The following TP53BP1 variants were observed in gnomAD, a reference collection of about 807,000 sequenced individuals.
TP53BP1 encodes the protein TP53-binding protein 1.
In TP53BP1, 61 loss-of-function variants were observed where a neutral mutation model predicts 200.8. That is an observed-to-expected ratio of 0.30 (90% CI 0.25 to 0.38). TP53BP1 has a LOEUF of 0.38. TP53BP1 is among the 10% of genes least tolerant of loss of function. The pLI is 1.00. For missense variants in TP53BP1, 2,144 were observed against 2,371.9 expected, an observed-to-expected ratio of 0.90 and a Z score of 2.00; for synonymous variants, 822 against 844.3, an observed-to-expected ratio of 0.97 and a Z score of 0.46.
chr15:43,447,253 CA>C, intron 13 of TP53BP1, 112 bp downstream of exon 13: 2 of 1,194,704 alleles, frequency 1.7e-6, no homozygotes, highest in African/African-American at 1.6e-5. Context: ...TTCCCTAAAA[CA>C]AAAATCAACC....
In TP53BP1 at chr15:43,420,287, C is replaced by T; in HGVS notation, c.4681+18G>A. 3.1e-6 allele frequency: 5 copies of T among 1,606,174 alleles called. No homozygotes were observed. The highest frequency in any genetic ancestry group is 4.3e-6 in the Non-Finnish European group (5 of 1,174,714). On this transcript the variant is annotated intron_variant, in intron 21 of 27. Transcript: ENST00000382044. ...CAAGGCACAAAAAAATCTCTACAAACTCTGCTTCTTTCATTACCTGCACTG... is the reference window on the plus strand; with the variant it reads ...CAAGGCACAAAAAAATCTCTACAAATTCTGCTTCTTTCATTACCTGCACTG...
intron 17 of TP53BP1, 123 bp from the exon 18 acceptor site, chr15:43,428,291 T>C: frequency 1.2e-6 from 1 of 859,480 alleles, no homozygotes. Context: ...AGAATCTTCC[T>C]ACTGTTTTGT....
chr15:43,500,220 T>A (rs540699543), intron 1 of TP53BP1, among the ~76,000 whole-genome samples: 1 of 152,320 alleles, frequency 6.6e-6, no homozygotes, highest in African/African-American at 2.4e-5. Context: ...TTCTACCAAG[T>A]CTACTCCACC....
chr15:43,409,322 A>C, intron 25 of TP53BP1: 1 of 590,280 alleles, frequency 1.7e-6, no homozygotes. Context: ...CTAAATCCTC[A>C]ACGGACAACC....
rs45463193 is a variant in TP53BP1, at chr15:43,476,979, G to A, written c.955+614C>T. Among the ~76,000 whole-genome samples the A allele has an allele frequency of 9.7e-3, 1,482 of 152,210 alleles. 27 individuals are homozygous for A. The highest frequency in any genetic ancestry group is 0.034 in the African/African-American group (1,410 of 41,526). ...AAAAACCTAGGCTTAATATCATATT[G>A]AAGATTTGAAGACATAGTAGCCATG... is the stretch of plus-strand genomic sequence containing the variant. On this transcript the variant is annotated intron_variant, in intron 8 of 27. Coordinates refer to ENST00000382044, the MANE Select transcript of TP53BP1 (RefSeq NM_001141980.3).
At chr15:43,486,231 C>T (rs1181930175) in intron 4 of TP53BP1, among the ~76,000 whole-genome samples, 2 of 152,022 alleles carry the variant, frequency 1.3e-5, no homozygotes, top group African/African-American at 4.8e-5. Context: ...ACAAAATTAG[C>T]CGGGCATGGT....
chr15:43,457,411 G>C (rs1039685198), intron 11 of TP53BP1, among the ~76,000 whole-genome samples, 193 bp from the exon 12 acceptor site: 2 of 152,036 alleles, frequency 1.3e-5, no homozygotes, highest in Non-Finnish European at 2.9e-5. Flanking sequence ...ACATGCTCCA[G>C]CCCATTTCAG....
At chr15:43,490,771 G>T (rs1217568520) in intron 4 of TP53BP1, among the ~76,000 whole-genome samples, 1 of 152,142 alleles carries the variant, frequency 6.6e-6, no homozygotes, top group African/African-American at 2.4e-5. Context: ...GTACTCTAAA[G>T]CAAGTTATCT....
intron 14 of TP53BP1, among the ~76,000 whole-genome samples, chr15:43,442,010 TTTTG>T (rs1215458863): frequency 2.0e-5 from 3 of 151,978 alleles, no homozygotes; most frequent in Admixed American, 6.5e-5. Context: ...ATTTCTTGTT[TTTTG>T]TTTGTTTGTT....
chr15:43,460,769 T>C (rs929457237), intron 11 of TP53BP1, among the ~76,000 whole-genome samples: 1 of 151,334 alleles, frequency 6.6e-6, no homozygotes, highest in Non-Finnish European at 1.5e-5. Flanking sequence ...TAACTTATAA[T>C]CCCAACACTT....
chr15:43,414,090 G>A, intron 23 of TP53BP1: 1 of 470,094 alleles, frequency 2.1e-6, no homozygotes, highest in Non-Finnish European at 4.4e-6. Flanking sequence ...AGGAGGCTAA[G>A]ATGACAGACA....
At chr15:43,442,820 T>C (rs1249413455) in intron 14 of TP53BP1, among the ~76,000 whole-genome samples, 1 of 129,568 alleles carries the variant, frequency 7.7e-6, no homozygotes, top group East Asian at 2.1e-4. Context: ...ATATTCTTTT[T>C]TTTTTTTTTT....
At position 43,446,426 on chromosome 15, in the gene TP53BP1, T is replaced by C. The variant is rs759790892; in HGVS notation, c.3001A>G (p.Thr1001Ala). Residue 1001 changes from threonine to alanine, a missense_variant, in exon 14 of 28, where the codon ACT (threonine) becomes GCT (alanine). By Grantham distance (58) the Thr-to-Ala change is moderately conservative. Coordinates refer to ENST00000382044, the MANE Select transcript of TP53BP1 (RefSeq NM_001141980.3). ...CLRMKLVSPETEASEESLQFN... is the reference protein window; with the variant it reads ...CLRMKLVSPEAEASEESLQFN... ...TGCAAAGACTCTTCACTCGCCTCAG[T>C]CTCAGGACTAACCAGTTTCATTCTT... is the stretch of plus-strand genomic sequence containing the variant. 7.4e-6 allele frequency: 12 copies of C among 1,614,178 alleles called. No individual in the cohort carries two copies. The East Asian group carries it at 2.7e-4, about 36-fold the overall frequency.
In TP53BP1 at chr15:43,455,864, G is replaced by C. The variant is rs762528235; in HGVS notation, c.2716+28C>G. ...CATTCCAGATTATAATTTAGGTGGA[G>C]ACAAGAATAATCTACAATCACACTC... is the stretch of plus-strand genomic sequence containing the variant. On this transcript the variant is annotated intron_variant, in intron 12 of 27. Transcript: ENST00000382044. 2.3e-5 allele frequency: 37 copies of C among 1,608,712 alleles called. 2 individuals are homozygous for C. The South Asian group carries it at 4.0e-4, about 17-fold the overall frequency.
intron 11 of TP53BP1, among the ~76,000 whole-genome samples, chr15:43,466,701 T>A (rs930457339): frequency 7.9e-5 from 12 of 152,032 alleles, no homozygotes; most frequent in African/African-American, 2.4e-4. Flanking sequence ...TACAAAAAAA[T>A]TTTTAATTAG....
chr15:43,422,398 T>C (rs576486286), intron 18 of TP53BP1, among the ~76,000 whole-genome samples: 1 of 152,360 alleles, frequency 6.6e-6, no homozygotes, highest in Non-Finnish European at 1.5e-5. Flanking sequence ...AATGGGACTA[T>C]ACTGTATCTC....
rs369892482 is a variant in TP53BP1 at position 43,448,702 on chromosome 15, G to A, written c.2717-1217C>T. On this transcript the variant is annotated intron_variant, in intron 12 of 27. Transcript: ENST00000382044. ...CTACAGGCGCCCTCCATCACGCCCAGCTAATTTTTTGTATTTTTAGTAGAG... is the reference window on the plus strand; with the variant it reads ...CTACAGGCGCCCTCCATCACGCCCAACTAATTTTTTGTATTTTTAGTAGAG... Among the ~76,000 whole-genome samples the A allele has an allele frequency of 2.7e-4, 41 of 151,986 alleles. No individual in the cohort carries two copies. The East Asian group carries it at 5.6e-3, about 21-fold the overall frequency.
intron 16 of TP53BP1, among the ~76,000 whole-genome samples, chr15:43,435,557 T>G (rs894469150): frequency 1.3e-5 from 2 of 152,196 alleles, no homozygotes. Context: ...ATCACATGAT[T>G]TCAGGATCAT....
In TP53BP1 at chr15:43,406,378, T is replaced by TATTA. The variant is rs2142915537; in HGVS notation, c.*1001_*1004dup. On this transcript the variant is annotated 3_prime_UTR_variant, in exon 28 of 28. Coordinates refer to ENST00000382044, the MANE Select transcript of TP53BP1 (RefSeq NM_001141980.3). Reference sequence around the variant, plus strand: ...GAAGCTCTGACAACTTATTCCCTGCTATTATCAACTAAAGATCACCCTTTC... The same window carrying TATTA: ...GAAGCTCTGACAACTTATTCCCTGCTATTAATTATCAACTAAAGATCACCCTTTC... 3.1e-6 allele frequency: 1 copy of TATTA among 321,422 alleles called. No homozygotes were observed. The highest frequency in any genetic ancestry group is 6.1e-6 in the Non-Finnish European group (1 of 162,688). 19.9% of individuals were successfully genotyped at this position (321,422 alleles called of 1,614,324 possible).
Sources: gnomAD v4.1 joint callset for allele counts (sites outside exome capture counted in the v4.1 genomes callset) on GRCh38, gnomAD v4.1.1 for gene constraint, MANE v1.5 for transcripts, NCBI Gene and HGNC (gene_info 2026-07-23, HGNC 2026-07-21) for gene names.